Variants in CABCOCO1 observed in about 807,000 individuals in gnomAD.
CABCOCO1 encodes the protein ciliary-associated calcium-binding coiled-coil protein 1.
Under a neutral mutation model 35.7 loss-of-function variants are expected in CABCOCO1, and 28 were observed. The ratio of observed to expected loss-of-function variants is 0.78; its 90% CI spans 0.58 to 1.07. The LOEUF (loss-of-function observed/expected upper bound fraction) is 1.07. Ranked by LOEUF, CABCOCO1 falls within the 50% of genes least tolerant of loss-of-function variation. The pLI is 0.00. For missense variants in CABCOCO1, 326 were observed against 309.2 expected, an observed-to-expected ratio of 1.05 and a Z score of -0.41; for synonymous variants, 95 against 100.1, an observed-to-expected ratio of 0.95 and a Z score of 0.30.
intron 5 of CABCOCO1, among the ~76,000 whole-genome samples, chr10:61,724,297 A>G (rs1471896732): frequency 2.6e-5 from 4 of 152,330 alleles, no homozygotes; most frequent in South Asian, 2.1e-4. Flanking sequence ...GAGTATCTCC[A>G]TTCAGGATAT....
At chr10:61,663,596 G>A (rs1423443281) in intron 1 of CABCOCO1, among the ~76,000 whole-genome samples, 1 of 149,746 alleles carries the variant, frequency 6.7e-6, no homozygotes, top group African/African-American at 2.5e-5. Flanking sequence ...ACAGGTGAAA[G>A]GACACTGGCT....
intron 3 of CABCOCO1, among the ~76,000 whole-genome samples, chr10:61,685,562 G>A (rs1839931712): frequency 6.6e-6 from 1 of 152,074 alleles, no homozygotes; most frequent in Admixed American, 6.6e-5. Flanking sequence ...TGTTGGCGCA[G>A]GGTCAGCGCT....
intron 5 of CABCOCO1, among the ~76,000 whole-genome samples, chr10:61,712,934 T>A (rs1326462094): frequency 1.3e-5 from 2 of 152,210 alleles, no homozygotes; most frequent in East Asian, 3.8e-4. Context: ...TGAAGTCAGG[T>A]AGCATGATGC....
chr10:61,680,048 C>T lies in CABCOCO1; in HGVS notation c.165-1095C>T, dbSNP rs375453798. Among the ~76,000 whole-genome samples the T allele has an allele frequency of 3.6e-4, 54 of 151,928 alleles. 1 individual carries two copies. In the South Asian group the frequency reaches 9.1e-3, roughly 26 times the overall value. On this transcript the variant is annotated intron_variant, in intron 2 of 7. Coordinates refer to ENST00000648843, the MANE Select transcript of CABCOCO1 (RefSeq NM_001366906.2). ...CAGAATGAACTGGGTGCGGTGTTCACGCCTGTAATCCCAGCACTTTGAGAG... is the reference window on the plus strand; with the variant it reads ...CAGAATGAACTGGGTGCGGTGTTCATGCCTGTAATCCCAGCACTTTGAGAG...
chr10:61,760,836 G>A lies in CABCOCO1; in HGVS notation c.676-27G>A, dbSNP rs115694572. On this transcript the variant is annotated intron_variant, in intron 6 of 7. Coordinates refer to ENST00000648843, the MANE Select transcript of CABCOCO1 (RefSeq NM_001366906.2). ...TCACCGAATGCTCTAGAAATCACCC[G>A]AGTGCTATTTACTTTCAATATTCTA... The A allele has an allele frequency of 4.2e-4, 673 of 1,594,086 alleles. 3 individuals are homozygous for A. The African/African-American group carries it at 7.3e-3, about 17-fold the overall frequency.
chr10:61,736,386 AT>A (rs1340679899), intron 5 of CABCOCO1, among the ~76,000 whole-genome samples: 3 of 152,116 alleles, frequency 2.0e-5, no homozygotes, highest in Non-Finnish European at 4.4e-5. Flanking sequence ...AGCACCATTT[AT>A]TTAATAGGGG....
intron 5 of CABCOCO1, among the ~76,000 whole-genome samples, chr10:61,704,115 T>A (rs1036962468): frequency 3.9e-5 from 6 of 151,914 alleles, no homozygotes; most frequent in African/African-American, 1.2e-4. Flanking sequence ...TCCCAGCTAC[T>A]CAGGAGGCTG....
chr10:61,697,877 T>G (rs184617513), intron 5 of CABCOCO1, among the ~76,000 whole-genome samples: 2 of 152,236 alleles, frequency 1.3e-5, no homozygotes, highest in East Asian at 3.9e-4. Flanking sequence ...AATTAAGTGC[T>G]TTACAAGTGT....
chr10:61,694,177 T>G (rs1266188768), intron 5 of CABCOCO1, among the ~76,000 whole-genome samples: 1 of 150,794 alleles, frequency 6.6e-6, no homozygotes, highest in Non-Finnish European at 1.5e-5. Flanking sequence ...GTAATCTCCA[T>G]ATAAGAGAAA....
At chr10:61,665,855 C>A (rs1452639520) in intron 1 of CABCOCO1, among the ~76,000 whole-genome samples, 2 of 149,488 alleles carry the variant, frequency 1.3e-5, no homozygotes, top group Admixed American at 1.3e-4. Flanking sequence ...CCACTGCACT[C>A]CAGCCTGGGC....
At chr10:61,708,751 G>A (rs1207183115) in intron 5 of CABCOCO1, among the ~76,000 whole-genome samples, 1 of 152,116 alleles carries the variant, frequency 6.6e-6, no homozygotes. Flanking sequence ...GGGGAGATGG[G>A]AACATTCAGA....
Position 61,705,289 on chromosome 10 carries a change from G to A in CABCOCO1, c.552+14668G>A, listed in dbSNP as rs148129594. ...CTACTGTACAGTTAAAGCTCAGCAA[G>A]TACTTTCCACTCAGGAACAATTCTG... On this transcript the variant is annotated intron_variant, in intron 5 of 7. Transcript: ENST00000648843. 2.0e-3 allele frequency among the ~76,000 whole-genome samples: 300 copies of A among 152,260 alleles called. 3 individuals carry two copies. Among genetic ancestry groups the A allele is most frequent in the African/African-American group, 6.8e-3 (284 of 41,550 alleles).
In CABCOCO1 at chr10:61,760,816, G is replaced by A. The variant is rs201465999; in HGVS notation, c.676-47G>A. The A allele has an allele frequency of 3.3e-5, 51 of 1,553,704 alleles. No individual in the cohort carries two copies. In the East Asian group the frequency reaches 8.6e-4, roughly 26 times the overall value. Reference sequence around the variant, plus strand: ...AGTTTTAGGTTCCATATAAATCACCGAATGCTCTAGAAATCACCCGAGTGC... The same window carrying A: ...AGTTTTAGGTTCCATATAAATCACCAAATGCTCTAGAAATCACCCGAGTGC... On this transcript the variant is annotated intron_variant, in intron 6 of 7. Coordinates refer to ENST00000648843, the MANE Select transcript of CABCOCO1 (RefSeq NM_001366906.2).
In CABCOCO1 at chr10:61,727,838, T is replaced by C. The variant is rs73289523; in HGVS notation, c.553-32221T>C. ...AATTAGATGTTTGAATTACTTACTCTGAATGCTAATGTATGAATACTTTTC... is the reference window on the plus strand; with the variant it reads ...AATTAGATGTTTGAATTACTTACTCCGAATGCTAATGTATGAATACTTTTC... On this transcript the variant is annotated intron_variant, in intron 5 of 7. Transcript: ENST00000648843. Among the ~76,000 whole-genome samples the C allele has an allele frequency of 5.6e-3, 859 of 152,328 alleles. 11 individuals carry two copies. The highest frequency in any genetic ancestry group is 0.019 in the African/African-American group (778 of 41,588).
At chr10:61,678,949 G>C (rs1035485225) in intron 2 of CABCOCO1, among the ~76,000 whole-genome samples, 19 of 152,054 alleles carry the variant, frequency 1.2e-4, no homozygotes, top group Admixed American at 9.2e-4. Context: ...TGAAGAAATA[G>C]ACCTATCTCG....
intron 5 of CABCOCO1, among the ~76,000 whole-genome samples, chr10:61,721,151 C>T (rs1362007648): frequency 6.6e-6 from 1 of 151,720 alleles, no homozygotes. Context: ...GTCTCGATCT[C>T]CTGACCTCAT....
At chr10:61,679,884 T>A (rs1225340071) in intron 2 of CABCOCO1, among the ~76,000 whole-genome samples, 1 of 151,280 alleles carries the variant, frequency 6.6e-6, no homozygotes, top group African/African-American at 2.4e-5. Flanking sequence ...AAGGAAGAGA[T>A]AAAGAAATAA....
chr10:61,667,931 T>A (rs1839241360), intron 1 of CABCOCO1, among the ~76,000 whole-genome samples: 1 of 151,980 alleles, frequency 6.6e-6, no homozygotes, highest in South Asian at 2.1e-4. Context: ...CATCACCTTT[T>A]TGTAGTTCCT....
intron 5 of CABCOCO1, among the ~76,000 whole-genome samples, chr10:61,741,235 GA>G (rs1841543891): frequency 6.6e-6 from 1 of 151,968 alleles, no homozygotes; most frequent in Non-Finnish European, 1.5e-5. Context: ...TGGAAGCAAT[GA>G]ATAAGTTTCT....
Sources: gnomAD v4.1 joint callset for allele counts (sites outside exome capture counted in the v4.1 genomes callset) on GRCh38, gnomAD v4.1.1 for gene constraint, MANE v1.5 for transcripts, NCBI Gene and HGNC (gene_info 2026-07-23, HGNC 2026-07-21) for gene names.